Variants in COL6A5 observed in about 807,000 individuals in gnomAD.
COL6A5 encodes the protein collagen type VI alpha 5 chain.
In COL6A5, 48 loss-of-function variants were observed where a neutral mutation model predicts 65.6. That is an observed-to-expected ratio of 0.73 (90% CI 0.58 to 0.93). The LOEUF (loss-of-function observed/expected upper bound fraction) is 0.93, where lower values mean the gene tolerates loss of function less well. Among genes scored for constraint, COL6A5 ranks in the 40% least tolerant of loss-of-function variants. The probability of loss-of-function intolerance (pLI) is 0.00; values close to 1 mark genes in which losing one functional copy is unlikely to be tolerated. For synonymous variants in COL6A5, 291 were observed against 322.8 expected, an observed-to-expected ratio of 0.90 and a Z score of 1.05; for missense variants, 914 against 928.3, an observed-to-expected ratio of 0.98 and a Z score of 0.20.
At chr3:130,410,390 C>A in intron 19 of COL6A5, 81 bp from the exon 20 acceptor site, 1 of 990,608 alleles carries the variant, frequency 1.0e-6, no homozygotes, top group Non-Finnish European at 1.6e-6. Context: ...TTTAATAGTG[C>A]TTGAGGTTTT....
At chr3:130,481,260 T>C (rs963979968) in intron 7 of COL6A5, among the ~76,000 whole-genome samples, 1 of 148,834 alleles carries the variant, frequency 6.7e-6, no homozygotes, top group Non-Finnish European at 1.5e-5. Flanking sequence ...TGTATTCTCA[T>C]TGTTCAGCTC....
chr3:130,420,322 C>T (rs140508463), intron 25 of COL6A5, among the ~76,000 whole-genome samples: 10 of 152,172 alleles, frequency 6.6e-5, no homozygotes, highest in African/African-American at 2.2e-4. Context: ...AACAATGTAT[C>T]GTGAGCATAT....
rs534863881 is a variant in COL6A5 at position 130,380,085 on chromosome 3, T to C, written c.1300+35T>C. ...TTAAAATACTTTTCTAATTATAAAA[T>C]TAATATAAGTGGTTACCTAGGACTA... is the stretch of plus-strand genomic sequence containing the variant. On this transcript the variant is annotated intron_variant and NMD_transcript_variant, in intron 4 of 41. Coordinates refer to the COL6A5 transcript ENST00000312481. 6 of 1,388,446 alleles carry C rather than the reference T, an allele frequency of 4.3e-6. No individual in the cohort carries two copies. The Admixed American group carries it at 7.8e-5, about 18-fold the overall frequency. The allele number at this position is 1,388,446 out of a possible 1,614,324, so 86.0% of individuals were successfully genotyped here.
At chr3:130,428,694 C>T (rs1937667113), upstream of COL6A5, among the ~76,000 whole-genome samples, 1 of 152,060 alleles carries the variant, frequency 6.6e-6, no homozygotes, top group Admixed American at 6.6e-5. Flanking sequence ...AAAAAGGGGT[C>T]TGTTTTGAGC....
Position 130,469,482 on chromosome 3 carries a change from G to T in COL6A5, c.2231+1G>T, listed in dbSNP as rs561210927. ...AAGCCATTTGTCCATTTAATCAGAC[G>T]TAAGTCATTAATTCTCTTTGATTGC... is the stretch of plus-strand genomic sequence containing the variant. On this transcript the variant is annotated splice_donor_variant, in intron 6 of 7. Coordinates refer to ENST00000512836, the Ensembl canonical transcript of COL6A5. LOFTEE classifies it high-confidence loss of function. 3.7e-6 allele frequency: 6 copies of T among 1,604,380 alleles called. No homozygotes were observed. The highest frequency in any genetic ancestry group is 5.1e-6 in the Non-Finnish European group (6 of 1,174,272).
At chr3:130,377,554 G>T (rs1935830646) in intron 3 of COL6A5, among the ~76,000 whole-genome samples, 1 of 152,238 alleles carries the variant, frequency 6.6e-6, no homozygotes, top group African/African-American at 2.4e-5. Context: ...CCTCAGTGGT[G>T]CAGTAATGCA....
At chr3:130,471,033 A>C (rs1042707074) in intron 7 of COL6A5, 66 bp downstream of exon 39, 3 of 1,109,660 alleles carry the variant, frequency 2.7e-6, no homozygotes, top group Admixed American at 3.8e-5. Context: ...AAAACTGTGA[A>C]ATGAATAGCA....
chr3:130,474,263 G>A (rs1447103766), intron 7 of COL6A5, among the ~76,000 whole-genome samples: 1 of 152,082 alleles, frequency 6.6e-6, no homozygotes, highest in Non-Finnish European at 1.5e-5. Flanking sequence ...AAACTAAACT[G>A]TGACTGCTAC....
chr3:130,440,669 A>G (rs1709158713), exon 3 of COL6A5: 1 of 1,613,432 alleles, frequency 6.2e-7, no homozygotes, highest in African/African-American at 1.3e-5. Flanking sequence ...AGGCTACGTC[A>G]TATTTGTGAT....
intron 4 of COL6A5, among the ~76,000 whole-genome samples, chr3:130,447,534 G>A (rs896127554): frequency 3.9e-5 from 6 of 152,088 alleles, no homozygotes; most frequent in Non-Finnish European, 7.4e-5. Flanking sequence ...TATGGTTACC[G>A]GCAGACATGG....
upstream of COL6A5, among the ~76,000 whole-genome samples, chr3:130,428,492 G>T (rs1396320676): frequency 6.6e-6 from 1 of 152,154 alleles, no homozygotes; most frequent in Non-Finnish European, 1.5e-5. Context: ...TAGCATTTTG[G>T]AGGGAGACAC....
At chr3:130,453,662 G>T (rs1462958344) in intron 4 of COL6A5, among the ~76,000 whole-genome samples, 2 of 152,104 alleles carry the variant, frequency 1.3e-5, no homozygotes, top group Non-Finnish European at 1.5e-5. Context: ...AGTGAAAGTG[G>T]CCCATCTTGG....
chr3:130,454,704 T>C (rs913981897), intron 4 of COL6A5, among the ~76,000 whole-genome samples: 9 of 152,166 alleles, frequency 5.9e-5, no homozygotes, highest in Non-Finnish European at 1.2e-4. Context: ...GGCACTGATA[T>C]GGGTTATGTT....
chr3:130,417,217 G>T (rs1937370511), intron 24 of COL6A5, among the ~76,000 whole-genome samples: 1 of 152,084 alleles, frequency 6.6e-6, no homozygotes. Flanking sequence ...AGTTTGCTGA[G>T]AATGATGGCT....
rs991000941 is a variant in COL6A5 at position 130,371,296 on chromosome 3, C to CT, written c.-28-2304dup. On this transcript the variant is annotated intron_variant and NMD_transcript_variant, in intron 1 of 41. Transcript: ENST00000312481. The stretch of plus-strand genomic sequence containing the variant: ...TCCTATCAAAATCCAGATGCCTTTT[C>CT]TTTTTTTTTTTCAGAAATTGACAAG... Among the ~76,000 whole-genome samples the CT allele has an allele frequency of 5.3e-3, 768 of 145,290 alleles. 3 individuals carry two copies. The highest frequency in any genetic ancestry group is 0.014 in the African/African-American group (572 of 39,814).
At chr3:130,452,355 A>G (rs1450224776) in intron 4 of COL6A5, among the ~76,000 whole-genome samples, 1 of 149,224 alleles carries the variant, frequency 6.7e-6, no homozygotes, top group Non-Finnish European at 1.5e-5. Flanking sequence ...CCTGATATTC[A>G]TGTAGGTTCT....
chr3:130,431,223 A>C, upstream of COL6A5: 1 of 683,806 alleles, frequency 1.5e-6, no homozygotes, highest in Non-Finnish European at 2.7e-6. Flanking sequence ...TGACTGATTG[A>C]TAGTGGGCTG....
chr3:130,433,084 G>A (rs1163930990), intron 1 of COL6A5, among the ~76,000 whole-genome samples: 1 of 152,100 alleles, frequency 6.6e-6, no homozygotes, highest in Non-Finnish European at 1.5e-5. Flanking sequence ...ATAACATGGA[G>A]AGAATCAATC....
intron 4 of COL6A5, among the ~76,000 whole-genome samples, chr3:130,454,401 G>A (rs1464785462): frequency 6.6e-5 from 10 of 152,068 alleles, no homozygotes; most frequent in East Asian, 1.9e-4. Context: ...GCCATCACAC[G>A]TGATGTCACT....
Sources: gnomAD v4.1 joint callset for allele counts (sites outside exome capture counted in the v4.1 genomes callset) on GRCh38, gnomAD v4.1.1 for gene constraint, MANE v1.5 for transcripts, NCBI Gene and HGNC (gene_info 2026-07-23, HGNC 2026-07-21) for gene names.